The following ZNF644 variants were observed in gnomAD, a reference collection of about 807,000 sequenced individuals.
ZNF644 encodes the protein zinc finger motif enhancer binding protein 2.
Under a neutral mutation model 108.0 loss-of-function variants are expected in ZNF644, and 20 were observed. That is an observed-to-expected ratio of 0.19 (90% CI 0.13 to 0.27). The LOEUF is 0.27. Among genes scored for constraint, ZNF644 ranks in the 10% least tolerant of loss-of-function variants. The probability of loss-of-function intolerance (pLI) is 1.00; values close to 1 mark genes in which losing one functional copy is unlikely to be tolerated. For missense variants in ZNF644, 1,338 were observed against 1,548.9 expected (o/e 0.86, Z 2.29); for synonymous variants, 542 against 539.1 (o/e 1.01, Z -0.08).
At chr1:90,994,568 T>G (rs774913571) in intron 1 of ZNF644, among the ~76,000 whole-genome samples, 1 of 152,154 alleles carries the variant, frequency 6.6e-6, no homozygotes, top group Non-Finnish European at 1.5e-5. Context: ...GAGGAAAAAG[T>G]AGGCAGAAAC....
intron 1 of ZNF644, among the ~76,000 whole-genome samples, chr1:91,001,303 C>T (rs1453641287): frequency 7.2e-5 from 11 of 152,026 alleles, no homozygotes; most frequent in Non-Finnish European, 1.2e-4. Context: ...ACTGGCAAAC[C>T]GAATCCAGCA....
At chr1:90,971,814 CT>C (rs1655511720) in intron 2 of ZNF644, among the ~76,000 whole-genome samples, 1 of 152,196 alleles carries the variant, frequency 6.6e-6, no homozygotes, top group Non-Finnish European at 1.5e-5. Context: ...GAGAGGGAGT[CT>C]GACTGCTCTC....
intron 1 of ZNF644, among the ~76,000 whole-genome samples, chr1:90,989,823 A>G (rs938863654): frequency 2.0e-5 from 3 of 152,194 alleles, no homozygotes; most frequent in Admixed American, 6.5e-5. Context: ...GGGCATATAC[A>G]CAAAGAATCC....
At chr1:90,986,409 T>C (rs1009559142) in intron 1 of ZNF644, among the ~76,000 whole-genome samples, 6 of 151,914 alleles carry the variant, frequency 3.9e-5, no homozygotes, top group African/African-American at 1.4e-4. Context: ...GTAATATATC[T>C]TGGAACACAA....
intron 1 of ZNF644, among the ~76,000 whole-genome samples, chr1:90,992,136 T>C (rs898049034): frequency 2.6e-5 from 4 of 152,166 alleles, no homozygotes; most frequent in Admixed American, 6.6e-5. Context: ...TCATTCACTG[T>C]CTGGGCAAAC....
chr1:91,009,165 A>G (rs1254864312), intron 1 of ZNF644, among the ~76,000 whole-genome samples: 1 of 152,216 alleles, frequency 6.6e-6, no homozygotes, highest in Non-Finnish European at 1.5e-5. Flanking sequence ...TAGTGCCAGC[A>G]GAGAACTACT....
chr1:91,010,096 C>T (rs1298990583), intron 1 of ZNF644, among the ~76,000 whole-genome samples: 2 of 152,120 alleles, frequency 1.3e-5, no homozygotes, highest in African/African-American at 2.4e-5. Flanking sequence ...TTCAGTAGAA[C>T]TCCTTATTTC....
intron 4 of ZNF644, among the ~76,000 whole-genome samples, chr1:90,931,201 CA>C (rs536048815): frequency 6.6e-6 from 1 of 150,800 alleles, no homozygotes; most frequent in Non-Finnish European, 1.5e-5. Flanking sequence ...ACATTAGGCA[CA>C]AAAAAAGCTA....
intron 2 of ZNF644, among the ~76,000 whole-genome samples, chr1:90,962,514 A>T (rs1028687670): frequency 4.6e-5 from 7 of 152,126 alleles, no homozygotes; most frequent in Non-Finnish European, 1.0e-4. Flanking sequence ...TAGAAGGTAG[A>T]TCTAAATACA....
In ZNF644 at chr1:90,941,142, G is replaced by C. The variant is rs762203090; in HGVS notation, c.212C>G (p.Thr71Arg). 6 of 1,613,348 alleles carry C rather than the reference G, an allele frequency of 3.7e-6. No homozygotes were observed. In the African/African-American group the frequency reaches 8.0e-5, roughly 22 times the overall value. ...DCQTSFQKNNTLTLPEELSKD... is the reference protein window; with the variant it reads ...DCQTSFQKNNRLTLPEELSKD... ...TGACAGTTCTTCAGGCAGAGTCAAC[G>C]TATTATTTTTCTGAAATGATGTTTG... is the stretch of plus-strand genomic sequence containing the variant. The change falls in exon 3 of 6, where the codon ACG becomes AGG. Residue 71 changes from threonine to arginine, a missense_variant. Physicochemically the swap from Thr to Arg is moderately conservative, Grantham distance 71 (BLOSUM62 -1). This residue lies in a region of ZNF644 where 464 missense variants were observed against 457.9 expected (regional missense o/e 1.01). Transcript: ENST00000337393.
At position 90,938,815 on chromosome 1, in the gene ZNF644, C is replaced by G. The variant is rs756726246; in HGVS notation, c.2539G>C (p.Ala847Pro). The change falls in exon 3 of 6, where the codon GCT (alanine) becomes CCT (proline). Residue 847 changes from alanine to proline, a missense_variant. Coordinates refer to ENST00000337393, the MANE Select transcript of ZNF644 (RefSeq NM_201269.3). The surrounding 1 kb of genome is among the most constrained non-coding windows in gnomAD (Gnocchi z 4.2). ...GTTTCATAACTATCTTTCTTTTCAGCAGAATTAAGTTTTTGCAAAACGACA... is the reference window on the plus strand; with the variant it reads ...GTTTCATAACTATCTTTCTTTTCAGGAGAATTAAGTTTTTGCAAAACGACA... ...TVVVLQKLNS[A>P]EKKDSYETED... The G allele has an allele frequency of 1.9e-6, 3 of 1,613,732 alleles. No homozygotes were observed. The South Asian group carries it at 3.3e-5, about 18-fold the overall frequency.
chr1:90,975,436 C>CTTTTTTT (rs1243944087), intron 2 of ZNF644, among the ~76,000 whole-genome samples: 1 of 135,362 alleles, frequency 7.4e-6, no homozygotes, highest in African/African-American at 2.7e-5. Flanking sequence ...CAAATATCTA[C>CTTTTTTT]TTTTTTTTTT....
chr1:90,917,602 A>G (rs1339036320), intron 5 of ZNF644, among the ~76,000 whole-genome samples: 1 of 152,090 alleles, frequency 6.6e-6, no homozygotes, highest in East Asian at 1.9e-4. Flanking sequence ...GGCTCAAGCA[A>G]TTCTCCTGCC....
Position 90,941,109 on chromosome 1 carries a change from T to G in ZNF644, c.245A>C (p.Lys82Thr), listed in dbSNP as rs1651926856. Reference protein sequence around the residue: ...LTLPEELSKDKSENALSGGQS... With the variant: ...LTLPEELSKDTSENALSGGQS... Reference sequence around the variant, plus strand: ...GCCTCCACTTAAGGCGTTTTCAGATTTGTCCTTTGACAGTTCTTCAGGCAG... The same window carrying G: ...GCCTCCACTTAAGGCGTTTTCAGATGTGTCCTTTGACAGTTCTTCAGGCAG... The change falls in exon 3 of 6, where the codon AAA (lysine) becomes ACA (threonine). Residue 82 changes from lysine (K) to threonine (T), a missense_variant. By Grantham distance (78) the Lys-to-Thr change is moderately conservative. Coordinates refer to ENST00000337393, the MANE Select transcript of ZNF644 (RefSeq NM_201269.3). The G allele has an allele frequency of 6.2e-7, 1 of 1,614,030 alleles. No individual in the cohort carries two copies. The highest frequency in any genetic ancestry group is 1.1e-5 in the South Asian group (1 of 91,090).
intron 1 of ZNF644, chr1:91,020,673 T>C (rs1057256270): frequency 3.9e-5 from 6 of 152,228 alleles, no homozygotes; most frequent in African/African-American, 1.4e-4. Context: ...GTTTCCTTTC[T>C]TTGAGAAACT....
intron 1 of ZNF644, among the ~76,000 whole-genome samples, chr1:91,014,226 G>C (rs1660229036): frequency 6.6e-6 from 1 of 152,058 alleles, no homozygotes; most frequent in Non-Finnish European, 1.5e-5. Flanking sequence ...CAACTTTCAA[G>C]TATGCAATAT....
intron 2 of ZNF644, among the ~76,000 whole-genome samples, chr1:90,951,965 T>C (rs1269552437): frequency 6.6e-6 from 1 of 151,986 alleles, no homozygotes; most frequent in African/African-American, 2.4e-5. Context: ...AAGCACATAA[T>C]AGGAAAATTT....
rs544400734 is a variant in ZNF644 at position 91,005,353 on chromosome 1, A to C, written c.-18+16637T>G. 2.0e-5 allele frequency among the ~76,000 whole-genome samples: 3 copies of C among 152,282 alleles called. No individual in the cohort carries two copies. In the East Asian group the frequency reaches 5.8e-4, roughly 29 times the overall value. ...TGAAGTAGAAACTGACAGAATTGAA[A>C]GGCAGAATATAATTCAAAAATAATA... is the stretch of plus-strand genomic sequence containing the variant. On this transcript the variant is annotated intron_variant, in intron 1 of 5. Transcript: ENST00000337393.
chr1:90,973,184 C>T (rs1003571565), intron 2 of ZNF644: 1 of 150,178 alleles, frequency 6.7e-6, no homozygotes, highest in East Asian at 1.9e-4. Context: ...CAATAAATAA[C>T]AAATATGTCT....
Sources: allele counts gnomAD v4.1 joint callset (sites outside exome capture counted in the v4.1 genomes callset), GRCh38; gene constraint gnomAD v4.1.1; regional missense constraint gnomAD v4.1.1; non-coding constraint Gnocchi (gnomAD v3.1); transcripts MANE v1.5; gene names NCBI Gene and HGNC (gene_info 2026-07-23, HGNC 2026-07-21).